RAI1: variants seen among roughly 807,000 people sequenced by gnomAD.
RAI1 encodes the protein retinoic acid-induced protein 1.
RAI1 carries 9 observed loss-of-function variants against 123.8 expected under a neutral mutation model. That is an observed-to-expected ratio of 0.07 (90% confidence interval 0.04 to 0.13). The LOEUF (loss-of-function observed/expected upper bound fraction) is 0.13. Ranked by LOEUF, RAI1 falls within the 10% of genes least tolerant of loss-of-function variation. The pLI is 1.00. For synonymous variants in RAI1, 1,231 were observed against 1,127.3 expected, an observed-to-expected ratio of 1.09 and a Z score of -1.84; for missense variants, 2,256 against 2,545.8, an observed-to-expected ratio of 0.89 and a Z score of 2.45.
At chr17:17,780,110 G>C (rs1170814868) in intron 2 of RAI1, among the ~76,000 whole-genome samples, 1 of 130,872 alleles carries the variant, frequency 7.6e-6, no homozygotes, top group African/African-American at 2.9e-5. Flanking sequence ...CTTGTCCCCA[G>C]GCTGGAGTGC....
chr17:17,687,185 G>A (rs987582799), intron 1 of RAI1, among the ~76,000 whole-genome samples: 7 of 152,158 alleles, frequency 4.6e-5, no homozygotes, highest in African/African-American at 1.4e-4. Context: ...TGATCAGGCT[G>A]GGGGAGAGAA....
intron 2 of RAI1, among the ~76,000 whole-genome samples, chr17:17,770,352 T>G (rs919159816): frequency 2.6e-5 from 4 of 151,822 alleles, no homozygotes; most frequent in African/African-American, 9.7e-5. Context: ...TGGGGAGACA[T>G]AAACAGAGCT....
intron 1 of RAI1, among the ~76,000 whole-genome samples, chr17:17,697,904 C>G (rs1915090710): frequency 6.6e-6 from 1 of 152,218 alleles, no homozygotes; most frequent in Non-Finnish European, 1.5e-5. Context: ...TGTGCATGTC[C>G]TGTGGTGTGA....
intron 2 of RAI1, among the ~76,000 whole-genome samples, chr17:17,782,878 C>G (rs1049666599): frequency 2.6e-5 from 4 of 152,184 alleles, no homozygotes; most frequent in Non-Finnish European, 4.4e-5. Flanking sequence ...TCGCCCTTAC[C>G]GAGGCGTGGG....
chr17:17,794,283 C>T lies in RAI1; in HGVS notation c.1335C>T (p.Ile445=), dbSNP rs1327529002. The T allele has an allele frequency of 6.2e-7, 1 of 1,613,294 alleles. No individual in the cohort carries two copies. Among genetic ancestry groups the T allele is most frequent in the Admixed American group, 1.7e-5 (1 of 60,034 alleles). ...LTALTSQVEN[I]SNTVQQLLLS... Reference sequence around the variant, plus strand: ...CGCTGACCTCACAGGTGGAGAACATCTCCAACACCGTCCAGCAGCTGCTGC... The same window carrying T: ...CGCTGACCTCACAGGTGGAGAACATTTCCAACACCGTCCAGCAGCTGCTGC... The change falls in exon 3 of 6, where the codon ATC becomes ATT. Residue 445 remains isoleucine, a synonymous_variant. Transcript: ENST00000353383.
chr17:17,768,854 G>A (rs1046898514), intron 2 of RAI1, among the ~76,000 whole-genome samples: 2 of 152,250 alleles, frequency 1.3e-5, no homozygotes, highest in Non-Finnish European at 2.9e-5. Flanking sequence ...GGCCCCATTA[G>A]GGGAGGCAGG....
At chr17:17,778,865 G>A (rs906824586) in intron 2 of RAI1, 17 of 456,730 alleles carry the variant, frequency 3.7e-5, no homozygotes, top group African/African-American at 3.0e-4. Flanking sequence ...TAGAAGCCAA[G>A]AGGGAGGGAG....
chr17:17,715,734 G>C (rs929483926), intron 1 of RAI1, among the ~76,000 whole-genome samples: 1 of 152,142 alleles, frequency 6.6e-6, no homozygotes, highest in Non-Finnish European at 1.5e-5. Flanking sequence ...CCCCGGAAAG[G>C]GCTTTCCATT....
chr17:17,739,265 A>T (rs1006679337), intron 2 of RAI1, among the ~76,000 whole-genome samples: 1 of 152,112 alleles, frequency 6.6e-6, no homozygotes, highest in African/African-American at 2.4e-5. Flanking sequence ...CTCACAGCCT[A>T]TTCTTGGTGG....
At chr17:17,705,727 C>CA (rs1331706245) in intron 1 of RAI1, among the ~76,000 whole-genome samples, 1 of 151,310 alleles carries the variant, frequency 6.6e-6, no homozygotes, top group African/African-American at 2.4e-5. Context: ...CTCCCTCTCT[C>CA]AAAAAACAAA....
In RAI1 at chr17:17,797,452, G is replaced by A; in HGVS notation, c.4504G>A (p.Glu1502Lys). 1.2e-6 allele frequency: 2 copies of A among 1,613,462 alleles called. No homozygotes were observed. Among genetic ancestry groups the A allele is most frequent in the Non-Finnish European group, 1.7e-6 (2 of 1,179,912 alleles). ...SGGGGKKPKM[E>K]ELGLASQPPE... Reference sequence around the variant, plus strand: ...TGGAGGAGGCAAGAAGCCAAAGATGGAGGAGCTGGGCCTGGCCTCCCAGCC... The same window carrying A: ...TGGAGGAGGCAAGAAGCCAAAGATGAAGGAGCTGGGCCTGGCCTCCCAGCC... Residue 1502 changes from glutamate (E) to lysine (K), a missense_variant, in exon 3 of 6, where the codon GAG becomes AAG. This residue lies in a region of RAI1 where 410 missense variants were observed against 374.6 expected (regional missense o/e 1.09). Transcript: ENST00000353383.
At position 17,775,578 on chromosome 17, in the gene RAI1, A is replaced by G. The variant is rs1245727090; in HGVS notation, c.-16-17355A>G. Among the ~76,000 whole-genome samples, 3 of 152,234 alleles carry G rather than the reference A, an allele frequency of 2.0e-5. No homozygotes were observed. In the East Asian group the frequency reaches 5.8e-4, roughly 29 times the overall value. Reference sequence around the variant, plus strand: ...TATATGTATTATTTACTGTAGTCTTACAATACAGTAAACTAAAGAAAAGAA... The same window carrying G: ...TATATGTATTATTTACTGTAGTCTTGCAATACAGTAAACTAAAGAAAAGAA... On this transcript the variant is annotated intron_variant, in intron 2 of 5. Transcript: ENST00000353383.
chr17:17,725,230 C>A (rs557817807), intron 2 of RAI1, among the ~76,000 whole-genome samples: 1 of 152,280 alleles, frequency 6.6e-6, no homozygotes, highest in South Asian at 2.1e-4. Context: ...CTGGTGACTT[C>A]AGGCACGTCG....
At chr17:17,778,722 C>G (rs951330331) in intron 2 of RAI1, 2 of 456,624 alleles carry the variant, frequency 4.4e-6, no homozygotes, top group African/African-American at 4.0e-5. Flanking sequence ...GAGCAGAGGC[C>G]TGCGATTCTC....
At position 17,809,429 on chromosome 17, in the gene RAI1, C is replaced by T; in HGVS notation, c.5699C>T (p.Pro1900Leu). The T allele has an allele frequency of 6.2e-7, 1 of 1,604,424 alleles. No individual in the cohort carries two copies. Among genetic ancestry groups the T allele is most frequent in the South Asian group, 1.1e-5 (1 of 90,882 alleles). ...FIEENFSLKCPKHKRLP is the reference protein window; with the variant it reads ...FIEENFSLKCLKHKRLP ...GAAGAGAACTTTTCTTTGAAATGTC[C>T]CAAACATAAGGTAGGGGACCACAGT... Residue 1900 changes from proline (P) to leucine (L), a missense_variant, in exon 5 of 6, where the codon CCC becomes CTC. This residue lies in a region of RAI1 where 243 missense variants were observed against 316.6 expected (regional missense o/e 0.77). Transcript: ENST00000353383. This position sits in a 1 kb window ranked among gnomAD's most constrained non-coding sequence, Gnocchi z 4.9.
chr17:17,780,082 T>TTTTTTTTTTA lies in RAI1; in HGVS notation c.-16-12851_-16-12850insTTTTTTTTTA, dbSNP rs71152902. Among the ~76,000 whole-genome samples the TTTTTTTTTTA allele has an allele frequency of 1.5e-3, 165 of 110,932 alleles. 8 individuals carry two copies. The highest frequency in any genetic ancestry group is 4.8e-3 in the African/African-American group (135 of 27,874). The allele number at this position is 110,932 out of a possible 152,430, so 72.8% of individuals were successfully genotyped here. Reference sequence around the variant, plus strand: ...GAGCCACTCCACCCAGGCTTTTTTTTAAGACAAGAGTTTTACTCTTGTCCC... The same window carrying TTTTTTTTTTA: ...GAGCCACTCCACCCAGGCTTTTTTTTTTTTTTTTTAAAGACAAGAGTTTTACTCTTGTCCC... On this transcript the variant is annotated intron_variant, in intron 2 of 5. Coordinates refer to ENST00000353383, the MANE Select transcript of RAI1 (RefSeq NM_030665.4).
chr17:17,718,905 T>A (rs980379290), intron 1 of RAI1, among the ~76,000 whole-genome samples: 1 of 151,980 alleles, frequency 6.6e-6, no homozygotes, highest in African/African-American at 2.4e-5. Flanking sequence ...AGGGGCAGGG[T>A]TCCTTCCTGA....
chr17:17,793,067 G>T lies in RAI1; in HGVS notation c.119G>T (p.Cys40Phe), dbSNP rs577650444. ...CAGCCGAGTCAGGCCGGGCTAAGCT[G>T]CGACCGGCAGCGGCTGCTCGCCAAG... ...YRQPSQAGLS[C>F]DRQRLLAKDY... Residue 40 changes from cysteine (C) to phenylalanine (F), a missense_variant, in exon 3 of 6, where the codon TGC (cysteine) becomes TTC (phenylalanine). By Grantham distance (205) the Cys-to-Phe change is radical. Around this residue, in one of 7 missense-constraint regions of RAI1, gnomAD observed 336 missense variants for 349.8 expected, o/e 0.96. Coordinates refer to ENST00000353383, the MANE Select transcript of RAI1 (RefSeq NM_030665.4). 8.1e-6 allele frequency: 13 copies of T among 1,614,038 alleles called. No homozygotes were observed. Among genetic ancestry groups the T allele is most frequent in the African/African-American group, 1.3e-5 (1 of 75,060 alleles).
rs1202102158 is a variant in RAI1, at chr17:17,810,465, C to T, written c.*484C>T. The T allele has an allele frequency of 3.2e-5, 8 of 246,654 alleles. No homozygotes were observed. The highest frequency in any genetic ancestry group is 6.5e-5 in the Non-Finnish European group (8 of 122,790). The allele number at this position is 246,654 out of a possible 1,614,324, so 15.3% of individuals were successfully genotyped here. On this transcript the variant is annotated 3_prime_UTR_variant, in exon 6 of 6. Transcript: ENST00000353383. The surrounding 1 kb of genome is among the most constrained non-coding windows in gnomAD (Gnocchi z 4.6). ...GGGGTCGAAACAGTACTGGAAGAGG[C>T]GGAGGGCGGCTCCTAGCTCCGTGGA...
Sources: allele counts gnomAD v4.1 joint callset (sites outside exome capture counted in the v4.1 genomes callset), GRCh38; gene constraint gnomAD v4.1.1; regional missense constraint gnomAD v4.1.1; non-coding constraint Gnocchi (gnomAD v3.1); transcripts MANE v1.5; gene names NCBI Gene and HGNC (gene_info 2026-07-23, HGNC 2026-07-21).